The following JAZF1 variants were observed in gnomAD, a reference collection of about 807,000 sequenced individuals.
The protein encoded by JAZF1 is JAZF zinc finger 1, also known as juxtaposed with another zinc finger protein 1.
A neutral mutation model predicts 26.4 loss-of-function variants in JAZF1; 8 were observed. The ratio of observed to expected loss-of-function variants is 0.30; its 90% CI spans 0.18 to 0.55. JAZF1 has a LOEUF of 0.55. JAZF1 is among the 20% of genes least tolerant of loss of function. The pLI is 0.94. For missense variants in JAZF1, 199 were observed against 322.0 expected, an observed-to-expected ratio of 0.62 and a Z score of 2.92; for synonymous variants, 126 against 122.3, an observed-to-expected ratio of 1.03 and a Z score of -0.20.
intron 2 of JAZF1, among the ~76,000 whole-genome samples, chr7:27,901,686 T>C (rs578183421): frequency 5.9e-5 from 9 of 152,334 alleles, no homozygotes; most frequent in African/African-American, 1.9e-4. Flanking sequence ...AGAGGACACA[T>C]GGTCCAGAGG....
chr7:27,835,303 A>T (rs190818993), intron 4 of JAZF1, among the ~76,000 whole-genome samples: 1 of 152,366 alleles, frequency 6.6e-6, no homozygotes, highest in East Asian at 1.9e-4. Context: ...GGCTAAAAAA[A>T]AGATTTAAGA....
At chr7:27,934,970 T>A (rs184605618) in intron 2 of JAZF1, among the ~76,000 whole-genome samples, 2 of 152,242 alleles carry the variant, frequency 1.3e-5, no homozygotes, top group Non-Finnish European at 2.9e-5. Flanking sequence ...TGAACTTGTA[T>A]CCAGAATATA....
chr7:27,992,696 G>T (rs892327151), intron 1 of JAZF1, among the ~76,000 whole-genome samples: 1 of 152,120 alleles, frequency 6.6e-6, no homozygotes, highest in Non-Finnish European at 1.5e-5. Context: ...ATAGAGAAAT[G>T]ACTGTATAAA....
At chr7:28,041,636 T>G (rs1053444382) in intron 1 of JAZF1, among the ~76,000 whole-genome samples, 2 of 152,256 alleles carry the variant, frequency 1.3e-5, no homozygotes, top group South Asian at 4.1e-4. Flanking sequence ...TGATTTGCAT[T>G]GATGGGTTAT....
chr7:27,936,730 A>T (rs1392639182), intron 2 of JAZF1, among the ~76,000 whole-genome samples: 1 of 152,232 alleles, frequency 6.6e-6, no homozygotes, highest in Non-Finnish European at 1.5e-5. Context: ...TATCCTGATT[A>T]TCTATCCTGC....
chr7:28,127,686 G>C (rs1782719251), intron 1 of JAZF1, among the ~76,000 whole-genome samples: 1 of 152,204 alleles, frequency 6.6e-6, no homozygotes, highest in African/African-American at 2.4e-5. Context: ...ATTTGTAAAG[G>C]AAAGAGGTTT....
At chr7:28,026,765 C>A (rs1489908168) in intron 1 of JAZF1, among the ~76,000 whole-genome samples, 1 of 152,158 alleles carries the variant, frequency 6.6e-6, no homozygotes, top group African/African-American at 2.4e-5. Context: ...CTGAACAGGA[C>A]CTAGTTAAGT....
intron 1 of JAZF1, among the ~76,000 whole-genome samples, chr7:28,092,446 A>C (rs923823660): frequency 6.6e-5 from 10 of 151,672 alleles, no homozygotes; most frequent in Non-Finnish European, 1.2e-4. Context: ...TTGATGTTAT[A>C]TTGCCTGTTC....
At chr7:27,851,406 T>G (rs78723919) in intron 3 of JAZF1, among the ~76,000 whole-genome samples, 2,055 of 152,290 alleles carry the variant, frequency 0.013, 42 homozygotes, top group African/African-American at 0.047. Flanking sequence ...ACACACACTT[T>G]GGGAGGCTGA....
chr7:27,868,071 G>C (rs1406257195), intron 3 of JAZF1, among the ~76,000 whole-genome samples: 2 of 152,152 alleles, frequency 1.3e-5, no homozygotes, highest in Non-Finnish European at 2.9e-5. Context: ...TTCTTCTCTT[G>C]CTACAGAGCC....
At chr7:27,847,660 T>A (rs545080431) in intron 3 of JAZF1, among the ~76,000 whole-genome samples, 1 of 152,260 alleles carries the variant, frequency 6.6e-6, no homozygotes, top group East Asian at 1.9e-4. Flanking sequence ...CTGTTTTGAT[T>A]ATCTTTGCTT....
At chr7:28,144,069 A>G (rs2127946335) in intron 1 of JAZF1, among the ~76,000 whole-genome samples, 1 of 152,334 alleles carries the variant, frequency 6.6e-6, no homozygotes, top group African/African-American at 2.4e-5. Flanking sequence ...AACTAGGAAC[A>G]GGTTCTGCAT....
intron 1 of JAZF1, among the ~76,000 whole-genome samples, chr7:28,167,172 G>A: frequency 6.6e-6 from 1 of 152,300 alleles, no homozygotes; most frequent in South Asian, 2.1e-4. Flanking sequence ...GAGGGCTACA[G>A]GAATTAAATA....
intron 1 of JAZF1, among the ~76,000 whole-genome samples, chr7:28,039,710 C>T (rs1338623007): frequency 6.6e-6 from 1 of 152,128 alleles, no homozygotes; most frequent in Non-Finnish European, 1.5e-5. Context: ...AAACCCTTTC[C>T]CCTAAGAATA....
chr7:27,866,740 A>G (rs1783480278), intron 3 of JAZF1, among the ~76,000 whole-genome samples: 1 of 152,238 alleles, frequency 6.6e-6, no homozygotes. Context: ...TTTCGAACAC[A>G]CTCGATTACC....
intron 1 of JAZF1, among the ~76,000 whole-genome samples, chr7:28,047,964 C>A (rs1783525675): frequency 6.6e-6 from 1 of 152,144 alleles, no homozygotes; most frequent in Non-Finnish European, 1.5e-5. Context: ...TGGATGTGTT[C>A]TGTCTTTCTC....
intron 3 of JAZF1, among the ~76,000 whole-genome samples, chr7:27,851,828 T>C (rs1301849257): frequency 6.6e-6 from 1 of 152,228 alleles, no homozygotes; most frequent in Non-Finnish European, 1.5e-5. Context: ...TTGACCTTCC[T>C]GGGTCACAAG....
At position 28,179,742 on chromosome 7, in the gene JAZF1, GGC is replaced by G. The variant is rs552433346; in HGVS notation, c.115+719_115+720del. 3.7e-3 allele frequency among the ~76,000 whole-genome samples: 543 copies of G among 147,872 alleles called. 1 individual carries two copies. The highest frequency in any genetic ancestry group is 0.01 in the Middle Eastern group (3 of 286). On this transcript the variant is annotated intron_variant, in intron 1 of 4. Transcript: ENST00000283928. ...GGGCCCGCGTCCCCGGCCCCGCCCG[GGC>G]CCCTCGGCCGCCTCCCAGGGAGAGG...
chr7:28,002,247 A>AT (rs1257930428), intron 1 of JAZF1, among the ~76,000 whole-genome samples: 1 of 152,210 alleles, frequency 6.6e-6, no homozygotes, highest in Non-Finnish European at 1.5e-5. Flanking sequence ...TCCAGCAGGG[A>AT]TTTTTTAAAA....
Sources: gnomAD v4.1 joint callset for allele counts (sites outside exome capture counted in the v4.1 genomes callset) on GRCh38, gnomAD v4.1.1 for gene constraint, MANE v1.5 for transcripts, NCBI Gene and HGNC (gene_info 2026-07-23, HGNC 2026-07-21) for gene names.